Variants in FAM178B observed in about 807,000 individuals in gnomAD.
The protein encoded by FAM178B is protein FAM178B.
FAM178B carries 82 observed loss-of-function variants against 91.7 expected under a neutral mutation model. That is an observed-to-expected ratio of 0.89 (90% CI 0.75 to 1.07). The LOEUF (loss-of-function observed/expected upper bound fraction) is 1.07. Among genes scored for constraint, FAM178B ranks in the 50% least tolerant of loss-of-function variants. The pLI, the probability that FAM178B is intolerant of heterozygous loss-of-function variation, is 0.00. For missense variants in FAM178B, 769 were observed against 846.7 expected (o/e 0.91, Z 1.14); for synonymous variants, 368 against 359.4 (o/e 1.02, Z -0.27).
At chr2:96,904,522 C>T (rs377748938) in intron 12 of FAM178B, among the ~76,000 whole-genome samples, 51 of 151,054 alleles carry the variant, frequency 3.4e-4, no homozygotes, top group East Asian at 2.7e-3. Flanking sequence ...CAGTCACGCA[C>T]GCGCCACCAT....
At chr2:96,898,476 G>A (rs1000536560) in intron 13 of FAM178B, among the ~76,000 whole-genome samples, 1 of 152,120 alleles carries the variant, frequency 6.6e-6, no homozygotes, top group Non-Finnish European at 1.5e-5. Flanking sequence ...TCAACATGGC[G>A]AAACCCTGCC....
At chr2:96,973,041 A>C (rs2082244619) in intron 1 of FAM178B, among the ~76,000 whole-genome samples, 1 of 151,838 alleles carries the variant, frequency 6.6e-6, no homozygotes, top group Admixed American at 6.6e-5. Flanking sequence ...CGTCTCTAGT[A>C]AAATAAAAAT....
intron 5 of FAM178B, among the ~76,000 whole-genome samples, chr2:96,965,725 C>T (rs998954760): frequency 3.9e-5 from 6 of 152,122 alleles, no homozygotes; most frequent in African/African-American, 1.4e-4. Flanking sequence ...CCTTGGCCTC[C>T]CAAAGTGTTG....
chr2:96,948,451 G>A (rs947144024), intron 7 of FAM178B, among the ~76,000 whole-genome samples: 3 of 152,202 alleles, frequency 2.0e-5, no homozygotes, highest in African/African-American at 7.2e-5. Flanking sequence ...GTCATTTCTG[G>A]GATCCTTATC....
chr2:96,955,997 A>G (rs1467712144), intron 6 of FAM178B, among the ~76,000 whole-genome samples: 2 of 152,210 alleles, frequency 1.3e-5, no homozygotes, highest in African/African-American at 2.4e-5. Context: ...TGGCCCATGC[A>G]TCGGGCTTGT....
chr2:96,976,100 T>C (rs2082284462), intron 1 of FAM178B, among the ~76,000 whole-genome samples: 1 of 150,906 alleles, frequency 6.6e-6, no homozygotes, highest in East Asian at 1.9e-4. Context: ...AACAATTCTT[T>C]TTTTTTTTTT....
intron 6 of FAM178B, among the ~76,000 whole-genome samples, chr2:96,954,871 G>A (rs1301379278): frequency 2.0e-5 from 3 of 152,226 alleles, no homozygotes; most frequent in African/African-American, 7.2e-5. Context: ...GCAACACAGT[G>A]AGACCCTGTC....
intron 13 of FAM178B, 48 bp downstream of exon 13, chr2:96,902,572 A>G: frequency 7.5e-7 from 1 of 1,340,032 alleles, no homozygotes; most frequent in Non-Finnish European, 1.0e-6. Context: ...AAGCCTCCAG[A>G]GCCCGCAGGC....
rs553125583 is a variant in FAM178B, at chr2:96,961,445, C to T, written c.735-1005G>A. ...ATATCCCACTACAACTGAGGGTCAT[C>T]CCAGGGAGCAGAATCAGAGGGAGGG... On this transcript the variant is annotated intron_variant, in intron 5 of 16. Coordinates refer to ENST00000490605, the MANE Select transcript of FAM178B (RefSeq NM_001122646.3). 4.6e-5 allele frequency among the ~76,000 whole-genome samples: 7 copies of T among 152,264 alleles called. No homozygotes were observed. The East Asian group carries it at 9.7e-4, about 21-fold the overall frequency.
At chr2:96,922,738 C>A (rs2081363634) in intron 10 of FAM178B, among the ~76,000 whole-genome samples, 1 of 151,232 alleles carries the variant, frequency 6.6e-6, no homozygotes, top group South Asian at 2.1e-4. Flanking sequence ...GAGTTTCTCT[C>A]TTGTTGCCCA....
At chr2:96,952,419 C>T (rs549972906) in intron 6 of FAM178B, among the ~76,000 whole-genome samples, 3 of 152,256 alleles carry the variant, frequency 2.0e-5, no homozygotes, top group East Asian at 1.9e-4. Context: ...ACCAGCCACG[C>T]GGCTGTGGCT....
chr2:96,923,524 A>G lies in FAM178B; in HGVS notation c.1253T>C (p.Ile418Thr), dbSNP rs1367078869. 2.6e-6 allele frequency: 4 copies of G among 1,551,516 alleles called. No individual in the cohort carries two copies. The highest frequency in any genetic ancestry group is 1.4e-5 in the African/African-American group (1 of 73,036). Residue 418 changes from isoleucine (I) to threonine (T), a missense_variant, in exon 10 of 17, where the codon ATT becomes ACT. Physicochemically the swap from Ile to Thr is moderately conservative, Grantham distance 89. Coordinates refer to ENST00000490605, the MANE Select transcript of FAM178B (RefSeq NM_001122646.3). Reference sequence around the variant, plus strand: ...GTGGCCCAGGCTGATGTCCAAGGCAATCTCTTGGGGAGCGTCCTGCTCCTC... The same window carrying G: ...GTGGCCCAGGCTGATGTCCAAGGCAGTCTCTTGGGGAGCGTCCTGCTCCTC... Reference protein sequence around the residue: ...ENEEQDAPQEIALDISLGHIY... With the variant: ...ENEEQDAPQETALDISLGHIY...
chr2:96,917,603 C>A (rs1415900627), intron 12 of FAM178B, among the ~76,000 whole-genome samples: 1 of 152,216 alleles, frequency 6.6e-6, no homozygotes, highest in South Asian at 2.1e-4. Flanking sequence ...CACCCGTGAT[C>A]CCAGCAGTTT....
chr2:96,935,405 G>A (rs1192421440), intron 8 of FAM178B, among the ~76,000 whole-genome samples: 1 of 152,102 alleles, frequency 6.6e-6, no homozygotes, highest in African/African-American at 2.4e-5. Flanking sequence ...AGCTATTACG[G>A]CTCAGCTCCA....
At chr2:96,968,581 T>C (rs1241835277) in intron 4 of FAM178B, among the ~76,000 whole-genome samples, 1 of 152,020 alleles carries the variant, frequency 6.6e-6, no homozygotes, top group Non-Finnish European at 1.5e-5. Context: ...ACTCACTGAG[T>C]GATTTCTAGC....
chr2:96,957,849 A>T (rs1056210389), intron 6 of FAM178B, among the ~76,000 whole-genome samples: 1 of 152,122 alleles, frequency 6.6e-6, no homozygotes, highest in African/African-American at 2.4e-5. Flanking sequence ...CTCACACTGC[A>T]GCTATGAACA....
At chr2:96,894,237 TG>T (rs1559055680) in intron 13 of FAM178B, among the ~76,000 whole-genome samples, 186 bp from the exon 14 acceptor site, 1 of 151,738 alleles carries the variant, frequency 6.6e-6, no homozygotes, top group African/African-American at 2.4e-5. Context: ...ATCTGTAAAA[TG>T]GATCACACAT....
intron 4 of FAM178B, among the ~76,000 whole-genome samples, chr2:96,968,461 C>T (rs970765158): frequency 7.9e-5 from 12 of 152,242 alleles, no homozygotes; most frequent in African/African-American, 2.9e-4. Context: ...TCCCCAGCCC[C>T]TGTCTGGTCC....
intron 6 of FAM178B, among the ~76,000 whole-genome samples, chr2:96,959,757 A>T (rs145336188): frequency 2.0e-4 from 31 of 152,340 alleles, no homozygotes; most frequent in African/African-American, 7.0e-4. Flanking sequence ...TTCTCTCAAA[A>T]AGCAATATAG....
Sources: gnomAD v4.1 joint callset for allele counts (sites outside exome capture counted in the v4.1 genomes callset) on GRCh38, gnomAD v4.1.1 for gene constraint, MANE v1.5 for transcripts, NCBI Gene and HGNC (gene_info 2026-07-23, HGNC 2026-07-21) for gene names.